The following ADH1C variants were observed in gnomAD, a reference collection of about 807,000 sequenced individuals.
ADH1C encodes alcohol dehydrogenase 1C.
ADH1C carries 26 observed loss-of-function variants against 35.0 expected under a neutral mutation model. The observed-to-expected ratio is 0.74, with a 90% CI of 0.54 to 1.03. The LOEUF is 1.03. ADH1C is among the 50% of genes least tolerant of loss of function. The probability of loss-of-function intolerance (pLI) is 0.00; values close to 1 mark genes in which losing one functional copy is unlikely to be tolerated. For synonymous variants in ADH1C, 170 were observed against 169.3 expected, an observed-to-expected ratio of 1.00 and a Z score of -0.03; for missense variants, 413 against 465.4, an observed-to-expected ratio of 0.89 and a Z score of 1.04.
intron 8 of ADH1C, 52 bp downstream of exon 8, chr4:99,339,525 C>CCCCA: frequency 7.8e-7 from 1 of 1,281,806 alleles, no homozygotes; most frequent in Non-Finnish European, 1.0e-6. Flanking sequence ...CCCCCCCCCC[C>CCCCA]CGCCGCTACT....
At chr4:99,344,834 C>T (rs1211463939) in intron 5 of ADH1C, 28 bp downstream of exon 5, 2 of 1,613,674 alleles carry the variant, frequency 1.2e-6, no homozygotes, top group South Asian at 1.1e-5. Flanking sequence ...TGCGTGTAAC[C>T]GGTTTTATCA....
chr4:99,339,828 A>G (rs998712820), intron 7 of ADH1C, 113 bp from the exon 8 acceptor site: 1 of 991,076 alleles, frequency 1.0e-6, no homozygotes, highest in African/African-American at 1.7e-5. Context: ...CCAGACTGCT[A>G]TAACTGAGGA....
intron 8 of ADH1C, 60 bp downstream of exon 8, chr4:99,339,517 C>A: frequency 2.9e-6 from 3 of 1,041,086 alleles, no homozygotes; most frequent in Admixed American, 3.4e-5. Context: ...ACAACGCCCC[C>A]CCCCCCCCCG....
chr4:99,342,949 A>G lies in ADH1C; in HGVS notation c.674T>C (p.Ile225Thr). The change falls in exon 6 of 9, where the codon ATC (isoleucine) becomes ACC (threonine). Residue 225 changes from isoleucine (I) to threonine (T), a missense_variant. Ile to Thr is a moderately conservative substitution (Grantham distance 89). Transcript: ENST00000515683. Reference protein sequence around the residue: ...AGAARIIAVDINKDKFAKAKE... With the variant: ...AGAARIIAVDTNKDKFAKAKE... The stretch of plus-strand genomic sequence containing the variant: ...AGCCTTTGCAAATTTGTCCTTGTTG[A>G]TGTCCACAGCAATGATTCTGGCTGC... The G allele has an allele frequency of 1.9e-6, 3 of 1,614,152 alleles. No individual in the cohort carries two copies. In the East Asian group the frequency reaches 6.7e-5, roughly 36 times the overall value.
At chr4:99,340,966 A>G (rs1023124908) in intron 6 of ADH1C, among the ~76,000 whole-genome samples, 1 of 152,242 alleles carries the variant, frequency 6.6e-6, no homozygotes, top group Admixed American at 6.5e-5. Flanking sequence ...AAAGGAATAA[A>G]GAGGCAAACA....
At chr4:99,349,791 G>A (rs1327977857) in intron 1 of ADH1C, among the ~76,000 whole-genome samples, 1 of 131,582 alleles carries the variant, frequency 7.6e-6, no homozygotes, top group Non-Finnish European at 1.8e-5. Flanking sequence ...AGTTGGTGTT[G>A]TGTATGTGTG....
chr4:99,336,698 C>T lies in ADH1C; in HGVS notation c.*54G>A. 6.3e-7 allele frequency: 1 copy of T among 1,591,732 alleles called. No individual in the cohort carries two copies. The highest frequency in any genetic ancestry group is 8.6e-7 in the Non-Finnish European group (1 of 1,160,070). On this transcript the variant is annotated 3_prime_UTR_variant, in exon 9 of 9. Coordinates refer to ENST00000515683, the MANE Select transcript of ADH1C (RefSeq NM_000669.5). Reference sequence around the variant, plus strand: ...ATATTTCCTAGCTGTTGCTCCAGATCATGTAGGGTAGAGGAGGCTGAAAAC... The same window carrying T: ...ATATTTCCTAGCTGTTGCTCCAGATTATGTAGGGTAGAGGAGGCTGAAAAC...
At chr4:99,343,242 G>C (rs283410) in intron 5 of ADH1C, among the ~76,000 whole-genome samples, 187 bp from the exon 6 acceptor site, 4 of 152,174 alleles carry the variant, frequency 2.6e-5, no homozygotes, top group African/African-American at 7.2e-5. Flanking sequence ...TAGTTGAGTA[G>C]TTCTGAAACT....
At chr4:99,344,833 C>T (rs370819059) in intron 5 of ADH1C, 29 bp downstream of exon 5, 1 of 1,613,758 alleles carries the variant, frequency 6.2e-7, no homozygotes, top group Non-Finnish European at 8.5e-7. Context: ...CTGCGTGTAA[C>T]CGGTTTTATC....
At chr4:99,346,180 T>C (rs1734525931) in intron 3 of ADH1C, among the ~76,000 whole-genome samples, 1 of 152,208 alleles carries the variant, frequency 6.6e-6, no homozygotes, top group Non-Finnish European at 1.5e-5. Flanking sequence ...TCACCTATGC[T>C]ATCTATTTCA....
At chr4:99,348,849 A>G (rs199614935) in intron 1 of ADH1C, among the ~76,000 whole-genome samples, 1 of 152,072 alleles carries the variant, frequency 6.6e-6, no homozygotes, top group African/African-American at 2.4e-5. Flanking sequence ...TCTCATTGTG[A>G]TTTTGATTTG....
rs1264361150 is a variant in ADH1C, at chr4:99,344,944, T to C, written c.485A>G (p.Asp162Gly). 6.2e-7 allele frequency: 1 copy of C among 1,614,166 alleles called. No homozygotes were observed. Among genetic ancestry groups the C allele is most frequent in the Non-Finnish European group, 8.5e-7 (1 of 1,180,032 alleles). Residue 162 changes from aspartate to glycine, a missense_variant, in exon 5 of 9, where the codon GAT becomes GGT. Coordinates refer to ENST00000515683, the MANE Select transcript of ADH1C (RefSeq NM_000669.5). The part of the protein sequence containing the change: ...VVDENAVAKI[D>G]AASPLEKVCL... ...GACTTTCTCCAGGGGCGAGGCTGCATCAATTTTGGCCACTGCATTCTCATC... is the reference window on the plus strand; with the variant it reads ...GACTTTCTCCAGGGGCGAGGCTGCACCAATTTTGGCCACTGCATTCTCATC...
chr4:99,345,158 A>C lies in ADH1C; in HGVS notation c.347+21T>G, dbSNP rs111652942. On this transcript the variant is annotated intron_variant, in intron 4 of 8. Transcript: ENST00000515683. ...AATGTGCAAACTCAAAGTCTGTGCAAAGAAAGCATCAGAAACTTACTCATT... is the reference window on the plus strand; with the variant it reads ...AATGTGCAAACTCAAAGTCTGTGCACAGAAAGCATCAGAAACTTACTCATT... 3 of 1,613,784 alleles carry C rather than the reference A, an allele frequency of 1.9e-6. No individual in the cohort carries two copies. In the South Asian group the frequency reaches 3.3e-5, roughly 18 times the overall value.
At chr4:99,338,310 A>G (rs1734323002) in intron 8 of ADH1C, among the ~76,000 whole-genome samples, 1 of 146,502 alleles carries the variant, frequency 6.8e-6, no homozygotes, top group Non-Finnish European at 1.5e-5. Context: ...GGTCATCTCT[A>G]TTTGCCATCA....
At chr4:99,339,842 T>G (rs1734372719) in intron 7 of ADH1C, 127 bp from the exon 8 acceptor site, 1 of 899,532 alleles carries the variant, frequency 1.1e-6, no homozygotes, top group South Asian at 1.6e-5. Context: ...CTGAGGATAA[T>G]AAGAGATAGA....
Position 99,336,547 on chromosome 4 carries a change from A to G in ADH1C, c.*205T>C. ...TTCAATTCCCCAGTTGATGTTCAAC[A>G]CTTTATTTAGTTCTCATTTGGATTT... On this transcript the variant is annotated 3_prime_UTR_variant, in exon 9 of 9. Transcript: ENST00000515683. 1.5e-6 allele frequency: 1 copy of G among 660,680 alleles called. No individual in the cohort carries two copies. Among genetic ancestry groups the G allele is most frequent in the Non-Finnish European group, 2.6e-6 (1 of 388,868 alleles). The allele number at this position is 660,680 out of a possible 1,614,324, so 40.9% of individuals were successfully genotyped here. A position where few individuals can be genotyped will look rare whatever the true frequency, so the allele number is the denominator to read the frequency against.
At chr4:99,345,333 G>A (rs963546611) in intron 3 of ADH1C, 67 bp from the exon 4 acceptor site, 25 of 1,419,784 alleles carry the variant, frequency 1.8e-5, no homozygotes, top group East Asian at 1.2e-4. Flanking sequence ...AAAACTTAAC[G>A]CTCACATGTA....
intron 5 of ADH1C, among the ~76,000 whole-genome samples, chr4:99,343,790 A>G (rs1165162211): frequency 1.3e-5 from 2 of 152,212 alleles, no homozygotes; most frequent in Non-Finnish European, 2.9e-5. Context: ...AGTAAGTGCT[A>G]AAGTCACCGA....
rs1734453069 is a variant in ADH1C at position 99,343,020 on chromosome 4, C to T, written c.603G>A (p.Leu201=). The change falls in exon 6 of 9, where the codon CTG becomes CTA. Residue 201 remains leucine (L), a synonymous_variant. Transcript: ENST00000515683. ...TAACAACAGATAGGCCGACCCCTCC[C>T]AGGCCAAACACAGCACAGGTAGACC... ...TPGSTCAVFG[L]GGVGLSVVMG... The T allele has an allele frequency of 1.2e-6, 2 of 1,614,218 alleles. No individual in the cohort carries two copies. Among genetic ancestry groups the T allele is most frequent in the African/African-American group, 1.3e-5 (1 of 75,060 alleles).
Sources: allele counts gnomAD v4.1 joint callset (sites outside exome capture counted in the v4.1 genomes callset), GRCh38; gene constraint gnomAD v4.1.1; transcripts MANE v1.5; gene names NCBI Gene and HGNC (gene_info 2026-07-23, HGNC 2026-07-21).